The following KCNQ4 variants were observed in gnomAD, a reference collection of about 807,000 sequenced individuals.
The protein encoded by KCNQ4 is potassium voltage-gated channel subfamily Q member 4, also known as potassium voltage-gated channel subfamily KQT member 4.
Under a neutral mutation model 72.6 loss-of-function variants are expected in KCNQ4, and 31 were observed. The observed-to-expected ratio is 0.43, with a 90% CI of 0.32 to 0.58. The LOEUF (loss-of-function observed/expected upper bound fraction) is 0.58, where lower values mean the gene tolerates loss of function less well. Among genes scored for constraint, KCNQ4 ranks in the 20% least tolerant of loss-of-function variants. KCNQ4 has a pLI of 0.08. For synonymous variants in KCNQ4, 405 were observed against 403.7 expected, an observed-to-expected ratio of 1.00 and a Z score of -0.04; for missense variants, 869 against 962.6, an observed-to-expected ratio of 0.90 and a Z score of 1.29.
rs543801199 is a variant in KCNQ4, at chr1:40,824,351, C to T, written c.1292+93C>T. 8.6e-6 allele frequency: 12 copies of T among 1,395,672 alleles called. No homozygotes were observed. In the East Asian group the frequency reaches 2.2e-4, roughly 26 times the overall value. 86.5% of individuals were successfully genotyped at this position (1,395,672 alleles called of 1,614,324 possible). ...CCTCTCTCAGACCTGCCTTCAGCCACTTCGTGGGTGTCTGGGCCTGTTTGG... is the reference window on the plus strand; with the variant it reads ...CCTCTCTCAGACCTGCCTTCAGCCATTTCGTGGGTGTCTGGGCCTGTTTGG... On this transcript the variant is annotated intron_variant, in intron 9 of 13. Coordinates refer to ENST00000347132, the MANE Select transcript of KCNQ4 (RefSeq NM_004700.4).
chr1:40,831,372 C>A, intron 10 of KCNQ4, 68 bp downstream of exon 10: 1 of 1,342,630 alleles, frequency 7.4e-7, no homozygotes, highest in African/African-American at 1.4e-5. Flanking sequence ...ACAGTCTGGG[C>A]TGGGAGCAGA....
Position 40,794,441 on chromosome 1 carries a change from C to T in KCNQ4, c.314+10034C>T, listed in dbSNP as rs1287784387. ...TTGTTCCCATTTTGCAGACAAGAAA[C>T]TGGGGCTCAAAGAAGAGAAACACCA... On this transcript the variant is annotated intron_variant, in intron 1 of 13. Transcript: ENST00000347132. This position sits in a 1 kb window ranked among gnomAD's most constrained non-coding sequence, Gnocchi z 4.2. Among the ~76,000 whole-genome samples, 1 of 152,200 alleles carries T rather than the reference C, an allele frequency of 6.6e-6. No homozygotes were observed. Among genetic ancestry groups the T allele is most frequent in the Admixed American group, 6.5e-5 (1 of 15,280 alleles).
intron 11 of KCNQ4, among the ~76,000 whole-genome samples, chr1:40,833,748 C>G (rs913379): frequency 6.6e-6 from 1 of 151,278 alleles, no homozygotes; most frequent in African/African-American, 2.4e-5. Context: ...TGTAATCCCA[C>G]CACTTTGGGA....
At position 40,818,700 on chromosome 1, in the gene KCNQ4, C is replaced by G. The variant is rs1215299214; in HGVS notation, c.708+20C>G. 1.9e-6 allele frequency: 3 copies of G among 1,568,202 alleles called. No homozygotes were observed. The highest frequency in any genetic ancestry group is 3.7e-5 in the Admixed American group (2 of 54,536). ...AGCAAGGTGAGGCCTGCAAGCCGCG[C>G]GCGGAGACCCGAGGGCGTGTCTGGG... On this transcript the variant is annotated intron_variant, in intron 4 of 13. Coordinates refer to ENST00000347132, the MANE Select transcript of KCNQ4 (RefSeq NM_004700.4).
chr1:40,801,131 G>C (rs1647560873), intron 1 of KCNQ4, among the ~76,000 whole-genome samples: 1 of 151,974 alleles, frequency 6.6e-6, no homozygotes, highest in Admixed American at 6.5e-5. Flanking sequence ...ACTGGAGGTG[G>C]GGATAGGGGG....
At chr1:40,785,576 T>C (rs913825071) in intron 1 of KCNQ4, among the ~76,000 whole-genome samples, 4 of 152,080 alleles carry the variant, frequency 2.6e-5, no homozygotes, top group Non-Finnish European at 4.4e-5. Context: ...CTGCTCACCC[T>C]TCCACCTAAC....
intron 1 of KCNQ4, among the ~76,000 whole-genome samples, chr1:40,803,048 G>T (rs1461907764): frequency 3.3e-5 from 5 of 152,132 alleles, no homozygotes; most frequent in Non-Finnish European, 7.3e-5. Context: ...CGGTTTCTGT[G>T]GTTAGTAAGT....
At chr1:40,803,209 G>A (rs1472920291) in intron 1 of KCNQ4, among the ~76,000 whole-genome samples, 1 of 152,158 alleles carries the variant, frequency 6.6e-6, no homozygotes, top group Non-Finnish European at 1.5e-5. Flanking sequence ...GCAGCTTCAG[G>A]AGCCGTCCAC....
At chr1:40,821,020 C>T (rs747315853) in intron 7 of KCNQ4, among the ~76,000 whole-genome samples, 2 of 152,232 alleles carry the variant, frequency 1.3e-5, no homozygotes, top group Non-Finnish European at 2.9e-5. Context: ...ACCCAAGCCT[C>T]ACTCAGCCCT....
intron 1 of KCNQ4, among the ~76,000 whole-genome samples, chr1:40,808,539 C>T (rs1647832233): frequency 6.6e-6 from 1 of 152,124 alleles, no homozygotes; most frequent in Non-Finnish European, 1.5e-5. Context: ...ACCCCACCCT[C>T]CTGCCCACTT....
At chr1:40,820,138 TC>T in intron 6 of KCNQ4, 26 bp from the exon 7 acceptor site, 5 of 1,589,680 alleles carry the variant, frequency 3.1e-6, no homozygotes, top group Non-Finnish European at 4.3e-6. Context: ...GCCAGCACAT[TC>T]CCCCAACCAT....
chr1:40,784,169 C>A lies in KCNQ4; in HGVS notation c.76C>A (p.Leu26Ile). The A allele has an allele frequency of 9.0e-7, 1 of 1,114,062 alleles. No individual in the cohort carries two copies. The highest frequency in any genetic ancestry group is 1.1e-6 in the Non-Finnish European group (1 of 906,658). The allele number at this position is 1,114,062 out of a possible 1,614,324, so 69.0% of individuals were successfully genotyped here. ...CGCCCCCCGCGCGGAGCTAGTGGCG[C>A]TCACGGCCGTGCAGAGCGAACAGGG... ...GDAPRAELVA[L>I]TAVQSEQGEA... Residue 26 changes from leucine (L) to isoleucine (I), a missense_variant, in exon 1 of 14, where the codon CTC (leucine) becomes ATC (isoleucine). Leu to Ile is a conservative substitution (Grantham distance 5, BLOSUM62 2). Around this residue, in one of 5 missense-constraint regions of KCNQ4, gnomAD observed 178 missense variants for 145.3 expected, o/e 1.22. Coordinates refer to ENST00000347132, the MANE Select transcript of KCNQ4 (RefSeq NM_004700.4). This position sits in a 1 kb window ranked among gnomAD's most constrained non-coding sequence, Gnocchi z 4.1.
intron 1 of KCNQ4, among the ~76,000 whole-genome samples, chr1:40,799,419 ATG>A (rs1400682382): frequency 2.1e-5 from 3 of 144,082 alleles, no homozygotes; most frequent in African/African-American, 7.9e-5. Flanking sequence ...AGGGAGGCAA[ATG>A]TGTGGGCCAT....
rs755354484 is a variant in KCNQ4 at position 40,833,048 on chromosome 1, C to A, written c.1548C>A (p.Ser516Arg). 2 of 1,613,612 alleles carry A rather than the reference C, an allele frequency of 1.2e-6. No individual in the cohort carries two copies. The highest frequency in any genetic ancestry group is 1.1e-5 in the South Asian group (1 of 91,082). ...CAGAGGAAGTAGCAGAGGAGAAGAG[C>A]TACCAGTGTGAGCTCACGGTGGACG... The part of the protein sequence containing the change: ...APSEEVAEEK[S>R]YQCELTVDDI... The change falls in exon 11 of 14, where the codon AGC becomes AGA. Residue 516 changes from serine to arginine, a missense_variant. Ser to Arg is a moderately radical substitution (Grantham distance 110). Coordinates refer to ENST00000347132, the MANE Select transcript of KCNQ4 (RefSeq NM_004700.4).
chr1:40,815,628 C>T (rs79371533), intron 1 of KCNQ4, among the ~76,000 whole-genome samples: 1,684 of 152,302 alleles, frequency 0.011, 16 homozygotes, highest in Middle Eastern at 0.017. Context: ...AAGCTCTTCT[C>T]GAACTCATTC....
intron 2 of KCNQ4, 77 bp from the exon 3 acceptor site, chr1:40,818,087 C>T (rs1648153290): frequency 3.1e-6 from 5 of 1,603,272 alleles, no homozygotes; most frequent in Non-Finnish European, 3.4e-6. Context: ...CCCAGGGACT[C>T]TTGGCTGGGT....
chr1:40,813,906 C>T (rs1435140666), intron 1 of KCNQ4, among the ~76,000 whole-genome samples: 3 of 151,958 alleles, frequency 2.0e-5, no homozygotes, highest in South Asian at 2.1e-4. Context: ...CGCCAGCAAG[C>T]CCAGCTGATT....
intron 1 of KCNQ4, among the ~76,000 whole-genome samples, chr1:40,808,671 A>C (rs1320295833): frequency 6.6e-6 from 1 of 151,834 alleles, no homozygotes; most frequent in Non-Finnish European, 1.5e-5. Flanking sequence ...AGCTGGAGGG[A>C]TCCTTCCTAC....
In KCNQ4 at chr1:40,817,150, A is replaced by G. The variant is rs1435890468; in HGVS notation, c.315-115A>G. ...AGGGAATTCCAATTCTGATTTCCACATAATTTTCTGAAAATAATGTTCTCC... is the reference window on the plus strand; with the variant it reads ...AGGGAATTCCAATTCTGATTTCCACGTAATTTTCTGAAAATAATGTTCTCC... On this transcript the variant is annotated intron_variant, in intron 1 of 13. Transcript: ENST00000347132. The surrounding 1 kb of genome is among the most constrained non-coding windows in gnomAD (Gnocchi z 5.5). 8.5e-6 allele frequency: 7 copies of G among 827,892 alleles called. No homozygotes were observed. The African/African-American group carries it at 1.2e-4, about 14-fold the overall frequency. 51.3% of individuals were successfully genotyped at this position (827,892 alleles called of 1,614,324 possible). A position where few individuals can be genotyped will look rare whatever the true frequency, so the allele number is the denominator to read the frequency against.
Sources: allele counts gnomAD v4.1 joint callset (sites outside exome capture counted in the v4.1 genomes callset), GRCh38; gene constraint gnomAD v4.1.1; regional missense constraint gnomAD v4.1.1; non-coding constraint Gnocchi (gnomAD v3.1); transcripts MANE v1.5; gene names NCBI Gene and HGNC (gene_info 2026-07-23, HGNC 2026-07-21).